The following FGL1 variants were observed in gnomAD, a reference collection of about 807,000 sequenced individuals.
The protein encoded by FGL1 is fibrinogen like 1.
In FGL1, 59 loss-of-function variants were observed where a neutral mutation model predicts 43.7. That is an observed-to-expected ratio of 1.35 (90% CI 1.10 to 1.68). FGL1 has a LOEUF of 1.68. Ranked by LOEUF, FGL1 falls within the 40% of genes most tolerant of loss-of-function variation. The pLI is 0.00. For synonymous variants in FGL1, 192 were observed against 126.5 expected (o/e 1.52, Z -3.48); for missense variants, 596 against 373.0 (o/e 1.60, Z -4.92).
intron 1 of FGL1, among the ~76,000 whole-genome samples, chr8:17,888,030 GTCTTAGGCCCAGTGATAGAAATAGTAA>G (rs1303563969): frequency 6.6e-5 from 10 of 152,036 alleles, no homozygotes; most frequent in East Asian, 3.9e-4. Context: ...AGAAATAGTA[GTCTTAGGCCCAGTGATAGAAATAGTAA>G]TCTTAGGCCC....
chr8:17,865,090 A>G (rs570039356), intron 7 of FGL1, among the ~76,000 whole-genome samples: 3 of 152,236 alleles, frequency 2.0e-5, no homozygotes, highest in South Asian at 4.2e-4. Flanking sequence ...CTGGCCTCAG[A>G]GATGGGTATT....
At chr8:17,878,462 A>G (rs1350281454) in intron 3 of FGL1, among the ~76,000 whole-genome samples, 3 of 152,152 alleles carry the variant, frequency 2.0e-5, no homozygotes, top group African/African-American at 7.2e-5. Context: ...AGACACTCAC[A>G]TGCAGACTGG....
intron 1 of FGL1, among the ~76,000 whole-genome samples, chr8:17,892,379 G>C (rs2053717594): frequency 6.6e-6 from 1 of 151,942 alleles, no homozygotes; most frequent in Non-Finnish European, 1.5e-5. Flanking sequence ...TTTAGAAATA[G>C]CCTTGTTCCC....
At position 17,881,138 on chromosome 8, in the gene FGL1, A is replaced by ATTTTTTTTTTTTTTTTTTTTTTTT. The variant is rs34570292; in HGVS notation, c.244+860_244+861insAAAAAAAAAAAAAAAAAAAAAAAA. ...ATTGTAATCTGCCATGTGTACACGG[A>ATTTTTTTTTTTTTTTTTTTTTTTT]TTTTTTTTTTTTTTTTGAGACAGAG... On this transcript the variant is annotated intron_variant, in intron 3 of 7. Transcript: ENST00000427924. Among the ~76,000 whole-genome samples the ATTTTTTTTTTTTTTTTTTTTTTTT allele has an allele frequency of 4.9e-5, 7 of 142,966 alleles. 1 individual carries two copies. The highest frequency in any genetic ancestry group is 1.6e-4 in the African/African-American group (6 of 36,860). 93.8% of individuals were successfully genotyped at this position (142,966 alleles called of 152,430 possible). A position where few individuals can be genotyped will look rare whatever the true frequency, so the allele number is the denominator to read the frequency against.
In FGL1 at chr8:17,882,137, G is replaced by A. The variant is rs542442094; in HGVS notation, c.106C>T (p.Gln36Ter). 20 of 1,613,790 alleles carry A rather than the reference G, an allele frequency of 1.2e-5. No homozygotes were observed. The highest frequency in any genetic ancestry group is 1.7e-5 in the Non-Finnish European group (20 of 1,179,994). ...CAQEQMRLRAQVRLLETRVKQ... is the reference protein window; with the variant it reads ...CAQEQMRLRA Reference sequence around the variant, plus strand: ...ACCCGGGTCTCAAGCAGGCGCACCTGGGCTCTGAGCCGCATCTGCTCCTGG... The same window carrying A: ...ACCCGGGTCTCAAGCAGGCGCACCTAGGCTCTGAGCCGCATCTGCTCCTGG... The change falls in exon 3 of 8, where the codon CAG (glutamine) becomes TAG (stop). Residue 36 changes from glutamine (Q) to a stop codon, truncating the protein, a stop_gained. Transcript: ENST00000427924. LOFTEE classifies it high-confidence loss of function.
At position 17,868,438 on chromosome 8, in the gene FGL1, C is replaced by A. The variant is rs181843066; in HGVS notation, c.779+110G>T. 76 of 793,294 alleles carry A rather than the reference C, an allele frequency of 9.6e-5. No individual in the cohort carries two copies. The African/African-American group carries it at 1.1e-3, about 12-fold the overall frequency. 49.1% of individuals were successfully genotyped at this position (793,294 alleles called of 1,614,324 possible). Reference sequence around the variant, plus strand: ...TAATGAGAATGATTACTTAATAATACTAATATTATAAATAAAGACTAACAT... The same window carrying A: ...TAATGAGAATGATTACTTAATAATAATAATATTATAAATAAAGACTAACAT... On this transcript the variant is annotated intron_variant, in intron 7 of 7. Coordinates refer to ENST00000427924, the MANE Select transcript of FGL1 (RefSeq NM_004467.4).
At chr8:17,886,000 C>A (rs778560619) in intron 1 of FGL1, among the ~76,000 whole-genome samples, 1 of 152,128 alleles carries the variant, frequency 6.6e-6, no homozygotes, top group African/African-American at 2.4e-5. Context: ...GTGATCCTCC[C>A]GCCTTGGCCT....
chr8:17,868,459 A>G, intron 7 of FGL1, 89 bp downstream of exon 7: 1 of 961,780 alleles, frequency 1.0e-6, no homozygotes, highest in South Asian at 2.9e-5. Flanking sequence ...AATAAAGACT[A>G]ACATTACCAT....
Position 17,874,023 on chromosome 8 carries a change from A to G in FGL1, c.498T>C (p.Thr166=), listed in dbSNP as rs1378118962. Residue 166 remains threonine (T), a synonymous_variant, in exon 5 of 8, where the codon ACT becomes ACC. Coordinates refer to ENST00000427924, the MANE Select transcript of FGL1 (RefSeq NM_004467.4). ...CTGACATCATTCAAACCTTACCTTG[A>G]GTGGTCAAGAAGTGAAGATTTTTAT... ...LGNKNLHFLT[T]QEDYTLKIDL... The G allele has an allele frequency of 1.3e-6, 2 of 1,596,896 alleles. No homozygotes were observed. Among genetic ancestry groups the G allele is most frequent in the South Asian group, 1.1e-5 (1 of 87,196 alleles).
At chr8:17,877,613 G>GA (rs36113738) in intron 3 of FGL1, among the ~76,000 whole-genome samples, 17 of 148,248 alleles carry the variant, frequency 1.1e-4, no homozygotes, top group South Asian at 6.4e-4. Context: ...GCAACATAAG[G>GA]AAAAAAAAAA....
intron 2 of FGL1, 23 bp from the exon 3 acceptor site, chr8:17,882,202 T>A (rs1277729808): frequency 6.2e-7 from 1 of 1,605,524 alleles, no homozygotes; most frequent in Non-Finnish European, 8.5e-7. Context: ...TGAGATGAGA[T>A]GAGTATGCAC....
intron 7 of FGL1, among the ~76,000 whole-genome samples, chr8:17,868,178 T>A (rs937476169): frequency 2.0e-5 from 3 of 152,144 alleles, no homozygotes; most frequent in Non-Finnish European, 2.9e-5. Flanking sequence ...GGTGGCTCTT[T>A]TGTGTGATAT....
At chr8:17,875,719 C>A (rs976620264) in intron 3 of FGL1, among the ~76,000 whole-genome samples, 14 of 152,054 alleles carry the variant, frequency 9.2e-5, no homozygotes, top group Middle Eastern at 3.4e-3. Context: ...ATTCTCCTGC[C>A]TCAGCCTCCT....
chr8:17,894,321 G>C (rs1181294262), intron 1 of FGL1, among the ~76,000 whole-genome samples: 1 of 146,878 alleles, frequency 6.8e-6, no homozygotes, highest in African/African-American at 2.7e-5. Context: ...ATAATGCTTA[G>C]GACTATAACC....
intron 3 of FGL1, among the ~76,000 whole-genome samples, chr8:17,881,378 G>A (rs1030896289): frequency 4.0e-5 from 6 of 151,412 alleles, no homozygotes; most frequent in East Asian, 2.0e-4. Context: ...CTTGTAATCC[G>A]CCCACCTAGG....
chr8:17,888,507 G>C (rs1213966664), intron 1 of FGL1, among the ~76,000 whole-genome samples: 1 of 152,140 alleles, frequency 6.6e-6, no homozygotes, highest in African/African-American at 2.4e-5. Flanking sequence ...TACAAATTAA[G>C]AAAATTTCAA....
chr8:17,883,542 T>C (rs1176276262), intron 2 of FGL1, among the ~76,000 whole-genome samples: 4 of 137,434 alleles, frequency 2.9e-5, no homozygotes, highest in East Asian at 2.1e-4. Flanking sequence ...ATTTATTATA[T>C]TATAGTCTAC....
chr8:17,873,360 C>T (rs1167448914), intron 5 of FGL1, among the ~76,000 whole-genome samples: 2 of 152,128 alleles, frequency 1.3e-5, no homozygotes, highest in East Asian at 1.9e-4. Context: ...CCCTATGGAG[C>T]CAGGTTGAAT....
At chr8:17,890,918 C>T (rs1238629695) in intron 1 of FGL1, among the ~76,000 whole-genome samples, 3 of 152,062 alleles carry the variant, frequency 2.0e-5, no homozygotes, top group East Asian at 3.9e-4. Flanking sequence ...CATCCCATAA[C>T]ATGTGGGATT....
Sources: gnomAD v4.1 joint callset for allele counts (sites outside exome capture counted in the v4.1 genomes callset) on GRCh38, gnomAD v4.1.1 for gene constraint, MANE v1.5 for transcripts, NCBI Gene and HGNC (gene_info 2026-07-23, HGNC 2026-07-21) for gene names.